Variants in VSTM4 observed in about 807,000 individuals in gnomAD.
The protein encoded by VSTM4 is V-set and transmembrane domain-containing protein 4.
A neutral mutation model predicts 36.4 loss-of-function variants in VSTM4; 20 were observed. The ratio of observed to expected loss-of-function variants is 0.55; its 90% confidence interval spans 0.39 to 0.80. The LOEUF is 0.80. Ranked by LOEUF, VSTM4 falls within the 30% of genes least tolerant of loss-of-function variation. The pLI is 0.00. For synonymous variants in VSTM4, 182 were observed against 173.9 expected (o/e 1.05, Z -0.37); for missense variants, 392 against 404.5 (o/e 0.97, Z 0.26).
chr10:49,069,560 C>A (rs981934048), intron 4 of VSTM4, among the ~76,000 whole-genome samples: 1 of 152,146 alleles, frequency 6.6e-6, no homozygotes, highest in Non-Finnish European at 1.5e-5. Context: ...CTGCATTTAC[C>A]CAGTGGGAGA....
chr10:49,071,081 T>C (rs946852005), intron 4 of VSTM4, among the ~76,000 whole-genome samples: 4 of 152,198 alleles, frequency 2.6e-5, no homozygotes, highest in African/African-American at 9.6e-5. Flanking sequence ...AGGGGAGTCA[T>C]GGGTGTTTAA....
chr10:49,110,310 G>A (rs1844869826), intron 1 of VSTM4, among the ~76,000 whole-genome samples: 1 of 152,192 alleles, frequency 6.6e-6, no homozygotes, highest in African/African-American at 2.4e-5. Flanking sequence ...CCCCATGGGA[G>A]GCCAGATTTC....
intron 7 of VSTM4, among the ~76,000 whole-genome samples, chr10:49,025,872 A>G (rs1590066773): frequency 6.6e-6 from 1 of 152,146 alleles, no homozygotes; most frequent in African/African-American, 2.4e-5. Flanking sequence ...CTGCCCCCAA[A>G]CCCTGTGTTC....
intron 2 of VSTM4, among the ~76,000 whole-genome samples, chr10:49,088,672 T>C (rs1844418072): frequency 6.6e-6 from 1 of 152,268 alleles, no homozygotes; most frequent in Admixed American, 6.5e-5. Flanking sequence ...CCTGGCATGT[T>C]GTATTTACTC....
intron 2 of VSTM4, among the ~76,000 whole-genome samples, chr10:49,104,410 C>T (rs1844726439): frequency 6.6e-6 from 1 of 152,186 alleles, no homozygotes; most frequent in South Asian, 2.1e-4. Flanking sequence ...GAGGCTGCAG[C>T]CATGCGCCTC....
intron 3 of VSTM4, among the ~76,000 whole-genome samples, chr10:49,082,706 T>C (rs1343904750): frequency 6.6e-6 from 1 of 152,122 alleles, no homozygotes; most frequent in Non-Finnish European, 1.5e-5. Context: ...AAAACACATA[T>C]AGCTGCACAC....
At chr10:49,048,626 G>A in intron 5 of VSTM4, 42 bp from the exon 6 acceptor site, 4 of 1,517,552 alleles carry the variant, frequency 2.6e-6, no homozygotes, top group Non-Finnish European at 3.6e-6. Flanking sequence ...AGGCAGATTT[G>A]TTGCAAAAGA....
intron 2 of VSTM4, among the ~76,000 whole-genome samples, chr10:49,097,001 AAG>A (rs1443329659): frequency 6.6e-6 from 1 of 151,928 alleles, no homozygotes; most frequent in African/African-American, 2.4e-5. Context: ...TGGCCTCCCT[AAG>A]AGCAGGAGCC....
chr10:49,026,068 T>C (rs568754963), intron 7 of VSTM4, among the ~76,000 whole-genome samples: 1 of 152,252 alleles, frequency 6.6e-6, no homozygotes, highest in African/African-American at 2.4e-5. Flanking sequence ...AGGGAAGCTA[T>C]CATACTAGGT....
intron 7 of VSTM4, among the ~76,000 whole-genome samples, chr10:49,042,883 T>A (rs1843542778): frequency 6.6e-6 from 1 of 152,104 alleles, no homozygotes; most frequent in Non-Finnish European, 1.5e-5. Flanking sequence ...TCAGGACAGC[T>A]CCTTTATTAC....
chr10:49,097,967 T>C (rs1331352442), intron 2 of VSTM4, among the ~76,000 whole-genome samples: 1 of 152,206 alleles, frequency 6.6e-6, no homozygotes, highest in Non-Finnish European at 1.5e-5. Flanking sequence ...ACCAAGAGTA[T>C]TTGGGAATCC....
At chr10:49,082,786 T>C (rs1188608613) in intron 3 of VSTM4, among the ~76,000 whole-genome samples, 3 of 152,262 alleles carry the variant, frequency 2.0e-5, no homozygotes, top group African/African-American at 7.2e-5. Flanking sequence ...TCTTTTGCCA[T>C]TGAACTTCCA....
At chr10:49,077,628 C>T (rs1407369484) in intron 3 of VSTM4, among the ~76,000 whole-genome samples, 1 of 152,142 alleles carries the variant, frequency 6.6e-6, no homozygotes, top group African/African-American at 2.4e-5. Flanking sequence ...GAAAATAAAA[C>T]TAAAATAAAC....
At chr10:49,090,967 C>G in intron 2 of VSTM4, among the ~76,000 whole-genome samples, 1 of 150,804 alleles carries the variant, frequency 6.6e-6, no homozygotes, top group Non-Finnish European at 1.5e-5. Context: ...CCTGCTCCCA[C>G]AGTGCACAGG....
At position 49,019,737 on chromosome 10, in the gene VSTM4, C is replaced by T. The variant is rs551220823; in HGVS notation, c.876G>A (p.Leu292=). The T allele has an allele frequency of 1.2e-6, 2 of 1,613,926 alleles. No individual in the cohort carries two copies. Among genetic ancestry groups the T allele is most frequent in the East Asian group, 2.2e-5 (1 of 44,882 alleles). The part of the protein sequence containing the change: ...IAEENLTYAE[L]ELIKPHRAAK... Reference sequence around the variant, plus strand: ...CAGCCCGGTGGGGTTTGATCAGCTCCAGTTCGGCATAGGTTAAGTTTTCCT... The same window carrying T: ...CAGCCCGGTGGGGTTTGATCAGCTCTAGTTCGGCATAGGTTAAGTTTTCCT... The change falls in exon 8 of 8, where the codon CTG becomes CTA. Residue 292 remains leucine (L), a synonymous_variant. Transcript: ENST00000332853.
chr10:49,019,744 G>T lies in VSTM4; in HGVS notation c.869C>A (p.Ala290Asp). The change falls in exon 8 of 8, where the codon GCC becomes GAC. Residue 290 changes from alanine to aspartate, a missense_variant. Transcript: ENST00000332853. ...GTGGGGTTTGATCAGCTCCAGTTCG[G>T]CATAGGTTAAGTTTTCCTCAGCAAT... is the stretch of plus-strand genomic sequence containing the variant. ...PKIAEENLTY[A>D]ELELIKPHRA... 6.2e-7 allele frequency: 1 copy of T among 1,613,690 alleles called. No homozygotes were observed. Among genetic ancestry groups the T allele is most frequent in the Non-Finnish European group, 8.5e-7 (1 of 1,179,868 alleles).
At chr10:49,056,603 C>G (rs1387608489) in intron 5 of VSTM4, among the ~76,000 whole-genome samples, 1 of 152,208 alleles carries the variant, frequency 6.6e-6, no homozygotes, top group African/African-American at 2.4e-5. Flanking sequence ...GGGGAGCCTG[C>G]CTGGCCTGGG....
At chr10:49,050,270 C>A (rs1386146346) in intron 5 of VSTM4, among the ~76,000 whole-genome samples, 1 of 152,036 alleles carries the variant, frequency 6.6e-6, no homozygotes. Flanking sequence ...TAAAGAAGCT[C>A]CAGAAATATT....
chr10:49,073,484 A>G (rs1249279150), intron 4 of VSTM4, among the ~76,000 whole-genome samples: 1 of 152,206 alleles, frequency 6.6e-6, no homozygotes, highest in Non-Finnish European at 1.5e-5. Flanking sequence ...AGCATGGCAG[A>G]AGCAGAATCA....
Sources: gnomAD v4.1 joint callset for allele counts (sites outside exome capture counted in the v4.1 genomes callset) on GRCh38, gnomAD v4.1.1 for gene constraint, MANE v1.5 for transcripts, NCBI Gene and HGNC (gene_info 2026-07-23, HGNC 2026-07-21) for gene names.